Variants in BAP1 observed in about 807,000 individuals in gnomAD.
BAP1 encodes ubiquitin carboxyl-terminal hydrolase BAP1.
A neutral mutation model predicts 77.2 loss-of-function variants in BAP1; 16 were observed. That is an observed-to-expected ratio of 0.21 (90% CI 0.14 to 0.31). BAP1 has a LOEUF of 0.31. Among genes scored for constraint, BAP1 ranks in the 10% least tolerant of loss-of-function variants. BAP1 has a pLI of 1.00. For missense variants in BAP1, 699 were observed against 967.3 expected, an observed-to-expected ratio of 0.72 and a Z score of 3.68; for synonymous variants, 362 against 385.2, an observed-to-expected ratio of 0.94 and a Z score of 0.71.
intron 11 of BAP1, 147 bp downstream of exon 11, chr3:52,404,963 C>G (rs1327254629): frequency 2.8e-6 from 3 of 1,061,690 alleles, no homozygotes; most frequent in Middle Eastern, 2.9e-4. Context: ...CTTTTCATAT[C>G]AGGCAGAGGA....
Position 52,402,289 on chromosome 3 carries a change from C to T in BAP1, c.2189G>A (p.Ter730=), listed in dbSNP as rs771713346. The T allele has an allele frequency of 1.9e-6, 3 of 1,601,330 alleles. No individual in the cohort carries two copies. Among genetic ancestry groups the T allele is most frequent in the Non-Finnish European group, 2.6e-6 (3 of 1,175,534 alleles). The change falls in exon 17 of 17, where the codon TGA becomes TAA. Residue 730 remains the stop codon, a stop_retained_variant. Coordinates refer to ENST00000460680, the MANE Select transcript of BAP1 (RefSeq NM_004656.4). This position sits in a 1 kb window ranked among gnomAD's most constrained non-coding sequence, Gnocchi z 5.3. The part of the protein sequence containing the change: ...RSRPYKAKRQ[*] ...CTGCAGAGTCAGGGCCAGCAGTCCTCACTGGCGCTTGGCCTTGTAGGGGCG... is the reference window on the plus strand; with the variant it reads ...CTGCAGAGTCAGGGCCAGCAGTCCTTACTGGCGCTTGGCCTTGTAGGGGCG...
At position 52,406,712 on chromosome 3, in the gene BAP1, G is replaced by T; in HGVS notation, c.659+117C>A. The T allele has an allele frequency of 8.1e-7, 1 of 1,227,334 alleles. No individual in the cohort carries two copies. The highest frequency in any genetic ancestry group is 1.2e-6 in the Non-Finnish European group (1 of 857,532). 76.0% of individuals were successfully genotyped at this position (1,227,334 alleles called of 1,614,324 possible). ...AGTTGAGAACCCATGATCTAAGCCT[G>T]ATCTTGCCAGATTCACCATATGGCC... On this transcript the variant is annotated intron_variant, in intron 8 of 16. Coordinates refer to ENST00000460680, the MANE Select transcript of BAP1 (RefSeq NM_004656.4). This position sits in a 1 kb window ranked among gnomAD's most constrained non-coding sequence, Gnocchi z 4.6.
rs374367093 is a variant in BAP1 at position 52,401,645 on chromosome 3, C to T, written c.*643G>A. The T allele has an allele frequency of 8.9e-4, 212 of 237,348 alleles. 5 individuals carry two copies. The South Asian group carries it at 0.034, about 38-fold the overall frequency. 14.7% of individuals were successfully genotyped at this position (237,348 alleles called of 1,614,324 possible). On this transcript the variant is annotated 3_prime_UTR_variant, in exon 17 of 17. Transcript: ENST00000460680. ...GCTCAGGCCATGGGATCCCAGCAGC[C>T]TGCTCACCCCAACCCCACTGGGACA...
chr3:52,407,919 C>A (rs2153228053), intron 5 of BAP1, 39 bp downstream of exon 5: 1 of 1,612,320 alleles, frequency 6.2e-7, no homozygotes, highest in Non-Finnish European at 8.5e-7. Flanking sequence ...CAGATCTGCC[C>A]AGTTGGCTGT....
chr3:52,404,309 C>G (rs1469125553), intron 12 of BAP1, 144 bp downstream of exon 12: 3 of 1,392,782 alleles, frequency 2.2e-6, no homozygotes, highest in African/African-American at 2.8e-5. Flanking sequence ...GGGGTCAGCC[C>G]CATCATGCCA....
chr3:52,406,959 C>T lies in BAP1; in HGVS notation c.581-52G>A, dbSNP rs569772550. ...GCGAGAAGGAAACCCTGAGTTTGGG[C>T]AGGCCAGGAGTGGGAAGGAAGACAG... is the stretch of plus-strand genomic sequence containing the variant. On this transcript the variant is annotated intron_variant, in intron 7 of 16. Transcript: ENST00000460680. This position sits in a 1 kb window ranked among gnomAD's most constrained non-coding sequence, Gnocchi z 4.6. The T allele has an allele frequency of 6.5e-6, 10 of 1,544,984 alleles. No homozygotes were observed. The highest frequency in any genetic ancestry group is 2.4e-5 in the East Asian group (1 of 41,222).
chr3:52,407,628 A>ACC (rs2153228031), intron 5 of BAP1, among the ~76,000 whole-genome samples, 168 bp from the exon 6 acceptor site: 1 of 152,306 alleles, frequency 6.6e-6, no homozygotes, highest in South Asian at 2.1e-4. Context: ...CTGGAGCCCC[A>ACC]AAGAGATGGA....
In BAP1 at chr3:52,402,189, A is replaced by C; in HGVS notation, c.*99T>G. On this transcript the variant is annotated 3_prime_UTR_variant, in exon 17 of 17. Transcript: ENST00000460680. This position sits in a 1 kb window ranked among gnomAD's most constrained non-coding sequence, Gnocchi z 5.3. ...CCAGGGCCTGGACTCTCCAGCTGGG[A>C]CTATTCAGTAATACTGGGAAAAGGG... 6.6e-7 allele frequency: 1 copy of C among 1,524,406 alleles called. No homozygotes were observed. The highest frequency in any genetic ancestry group is 1.4e-5 in the African/African-American group (1 of 73,220). 94.4% of individuals were successfully genotyped at this position (1,524,406 alleles called of 1,614,324 possible).
rs530964671 is a variant in BAP1 at position 52,403,361 on chromosome 3, T to G, written c.1729+55A>C. 5.0e-6 allele frequency: 8 copies of G among 1,612,036 alleles called. No homozygotes were observed. The East Asian group carries it at 1.8e-4, about 36-fold the overall frequency. ...GGACACTTTGTGGTCACTTGGCCAC[T>G]TCCCTCCTCCCTCCTGGGTGCACCA... On this transcript the variant is annotated intron_variant, in intron 13 of 16. Coordinates refer to ENST00000460680, the MANE Select transcript of BAP1 (RefSeq NM_004656.4). This position sits in a 1 kb window ranked among gnomAD's most constrained non-coding sequence, Gnocchi z 4.0.
rs1457526564 is a variant in BAP1, at chr3:52,406,416, C to T, written c.660-40G>A. Reference sequence around the variant, plus strand: ...GCAGCCGTGAGAGCAGCTCCCGCCCCGGCCCCGCCATCAGGTTGAGGCAGA... The same window carrying T: ...GCAGCCGTGAGAGCAGCTCCCGCCCTGGCCCCGCCATCAGGTTGAGGCAGA... On this transcript the variant is annotated intron_variant, in intron 8 of 16. Transcript: ENST00000460680. This position sits in a 1 kb window ranked among gnomAD's most constrained non-coding sequence, Gnocchi z 4.6. 9.9e-6 allele frequency: 16 copies of T among 1,609,672 alleles called. No individual in the cohort carries two copies. The highest frequency in any genetic ancestry group is 1.7e-4 in the Middle Eastern group (1 of 5,976).
At chr3:52,404,707 G>A (rs1316978075) in intron 11 of BAP1, 121 bp from the exon 12 acceptor site, 9 of 1,410,366 alleles carry the variant, frequency 6.4e-6, no homozygotes, top group African/African-American at 1.4e-5. Context: ...AACCCCTCCA[G>A]CTGTTCCATG....
rs1320346392 is a variant in BAP1 at position 52,402,958 on chromosome 3, C to T, written c.1891-87G>A. 1.2e-6 allele frequency: 2 copies of T among 1,606,582 alleles called. No homozygotes were observed. Among genetic ancestry groups the T allele is most frequent in the African/African-American group, 1.3e-5 (1 of 75,024 alleles). On this transcript the variant is annotated intron_variant, in intron 14 of 16. Transcript: ENST00000460680. The surrounding 1 kb of genome is among the most constrained non-coding windows in gnomAD (Gnocchi z 5.3). ...ATAGGCAGCTAGAGGCAAGGATGAGCAGCGAGTCCATGCCTATCAAGGCCC... is the reference window on the plus strand; with the variant it reads ...ATAGGCAGCTAGAGGCAAGGATGAGTAGCGAGTCCATGCCTATCAAGGCCC...
chr3:52,409,459 G>C, intron 3 of BAP1, 95 bp downstream of exon 3: 2 of 1,498,468 alleles, frequency 1.3e-6, no homozygotes, highest in Non-Finnish European at 1.9e-6. Context: ...TACAACGTAG[G>C]GTTCCTGGCA....
At chr3:52,409,533 C>G (rs2153228496) in intron 3 of BAP1, 21 bp downstream of exon 3, 1 of 1,614,058 alleles carries the variant, frequency 6.2e-7, no homozygotes, top group African/African-American at 1.3e-5. Context: ...TAAGGGGCAG[C>G]CCTGGTGTAC....
At chr3:52,409,666 G>A (rs369553214) in intron 2 of BAP1, 48 bp downstream of exon 2, 1 of 1,614,032 alleles carries the variant, frequency 6.2e-7, no homozygotes. Context: ...TGAGGGCGCA[G>A]GGGTGGGCCG....
In BAP1 at chr3:52,407,403, C is replaced by T. The variant is rs2153227936; in HGVS notation, c.433G>A (p.Ala145Thr). The change falls in exon 6 of 17, where the codon GCC (alanine) becomes ACC (threonine). Residue 145 changes from alanine to threonine, a missense_variant. Transcript: ENST00000460680. The stretch of plus-strand genomic sequence containing the variant: ...GCTCCCACAGCTCCCACACACCTGG[C>T]ATGGCTATTATGGGCCTTGGCCAAC... Reference protein sequence around the residue: ...PELAKAHNSHARPEPRHLPEK... With the variant: ...PELAKAHNSHTRPEPRHLPEK... 2 of 1,614,260 alleles carry T rather than the reference C, an allele frequency of 1.2e-6. No individual in the cohort carries two copies. Among genetic ancestry groups the T allele is most frequent in the Non-Finnish European group, 1.7e-6 (2 of 1,180,044 alleles).
rs1440748203 is a variant in BAP1 at position 52,402,325 on chromosome 3, C to T, written c.2153G>A (p.Arg718Gln). The change falls in exon 17 of 17, where the codon CGG becomes CAG. Residue 718 changes from arginine (R) to glutamine (Q), a missense_variant. Arg to Gln is a conservative substitution (Grantham distance 43). This residue lies in a region of BAP1 where 64 missense variants were observed against 112.1 expected (regional missense o/e 0.57). Coordinates refer to ENST00000460680, the MANE Select transcript of BAP1 (RefSeq NM_004656.4). This position sits in a 1 kb window ranked among gnomAD's most constrained non-coding sequence, Gnocchi z 5.3. The stretch of plus-strand genomic sequence containing the variant: ...GGCCTTGTAGGGGCGAGAGCGTTTC[C>T]GCCGGTCAGGCTTCCGCTGCTTGTG... ...RLHKQRKPDRRKRSRPYKAKR... is the reference protein window; with the variant it reads ...RLHKQRKPDRQKRSRPYKAKR... 1.9e-6 allele frequency: 3 copies of T among 1,594,688 alleles called. No homozygotes were observed. Among genetic ancestry groups the T allele is most frequent in the Admixed American group, 1.8e-5 (1 of 56,488 alleles).
intron 3 of BAP1, among the ~76,000 whole-genome samples, chr3:52,409,327 A>G (rs1366808289): frequency 6.6e-6 from 1 of 152,240 alleles, no homozygotes; most frequent in African/African-American, 2.4e-5. Flanking sequence ...AAGGATGCTT[A>G]GGGGTGGGGA....
At chr3:52,404,389 C>G in intron 12 of BAP1, 64 bp downstream of exon 12, 1 of 1,612,298 alleles carries the variant, frequency 6.2e-7, no homozygotes, top group South Asian at 1.1e-5. Context: ...CAGACACAGA[C>G]TGAGATATTC....
Sources: gnomAD v4.1 joint callset for allele counts (sites outside exome capture counted in the v4.1 genomes callset) on GRCh38, gnomAD v4.1.1 for gene constraint, gnomAD v4.1.1 regional missense constraint, Gnocchi (gnomAD v3.1) non-coding constraint, MANE v1.5 for transcripts, NCBI Gene and HGNC (gene_info 2026-07-23, HGNC 2026-07-21) for gene names.